The following PRAMEF4 variants were observed in gnomAD, a reference collection of about 807,000 sequenced individuals.
PRAMEF4 encodes the protein PRAME family member 4.
PRAMEF4 carries 18 observed loss-of-function variants against 34.4 expected under a neutral mutation model. The ratio of observed to expected loss-of-function variants is 0.52; its 90% CI spans 0.36 to 0.78. PRAMEF4 has a LOEUF of 0.78. Among genes scored for constraint, PRAMEF4 ranks in the 30% least tolerant of loss-of-function variants. The pLI, the probability that PRAMEF4 is intolerant of heterozygous loss-of-function variation, is 0.00. For missense variants in PRAMEF4, 482 were observed against 569.1 expected, an observed-to-expected ratio of 0.85 and a Z score of 1.56; for synonymous variants, 156 against 219.3, an observed-to-expected ratio of 0.71 and a Z score of 2.55.
intron 3 of PRAMEF4, among the ~76,000 whole-genome samples, chr1:12,880,665 A>T (rs1007883049): frequency 2.7e-5 from 4 of 148,810 alleles, no homozygotes; most frequent in Non-Finnish European, 4.4e-5. Flanking sequence ...CAGAATCCCT[A>T]AAGCTCCCTT....
Position 12,881,924 on chromosome 1 carries a change from G to C in PRAMEF4, c.805C>G (p.Leu269Val), listed in dbSNP as rs1640896403. The C allele has an allele frequency of 6.3e-7, 1 of 1,593,284 alleles. No individual in the cohort carries two copies. The highest frequency in any genetic ancestry group is 8.5e-7 in the Non-Finnish European group (1 of 1,177,674). The change falls in exon 3 of 4, where the codon CTG (leucine) becomes GTG (valine). Residue 269 changes from leucine to valine, a missense_variant. By Grantham distance (32) the Leu-to-Val change is conservative (BLOSUM62 1). Transcript: ENST00000235349. ...VTQFTTQFLK[L>V]RCLQKLYMNS... ...ATATAAAGCTTTTGGAGGCAGCGCAGCTTGAGGAACTGAGTGGTGAACTGG... is the reference window on the plus strand; with the variant it reads ...ATATAAAGCTTTTGGAGGCAGCGCACCTTGAGGAACTGAGTGGTGAACTGG...
At position 12,882,008 on chromosome 1, in the gene PRAMEF4, G is replaced by C. The variant is rs754672193; in HGVS notation, c.721C>G (p.Leu241Val). 2 of 1,591,180 alleles carry C rather than the reference G, an allele frequency of 1.3e-6. No individual in the cohort carries two copies. The highest frequency in any genetic ancestry group is 1.4e-5 in the African/African-American group (1 of 71,714). The change falls in exon 3 of 4, where the codon CTC (leucine) becomes GTC (valine). Residue 241 changes from leucine to valine, a missense_variant. Physicochemically the swap from Leu to Val is conservative, Grantham distance 32 (BLOSUM62 1). Transcript: ENST00000235349. ...GHMRNLQKLILSHMDVSRYVS... is the reference protein window; with the variant it reads ...GHMRNLQKLIVSHMDVSRYVS... ...TAGCGAGAGACATCCATGTGGGAGA[G>C]AATGAGTTTCTGAAGATTCCTCATG... is the stretch of plus-strand genomic sequence containing the variant.
intron 3 of PRAMEF4, among the ~76,000 whole-genome samples, chr1:12,880,573 A>AC (rs1190394550): frequency 8.1e-5 from 12 of 148,944 alleles, no homozygotes; most frequent in Non-Finnish European, 1.6e-4. Flanking sequence ...GAGACTCTGT[A>AC]TTAAAAAAAA....
rs1473459484 is a variant in PRAMEF4 at position 12,882,280 on chromosome 1, G to A, written c.449C>T (p.Thr150Ile). The A allele has an allele frequency of 6.6e-7, 1 of 1,514,636 alleles. No homozygotes were observed. Among genetic ancestry groups the A allele is most frequent in the East Asian group, 2.3e-5 (1 of 43,460 alleles). The allele number at this position is 1,514,636 out of a possible 1,614,324, so 93.8% of individuals were successfully genotyped here. Residue 150 changes from threonine to isoleucine, a missense_variant, in exon 3 of 4, where the codon ACT (threonine) becomes ATT (isoleucine). By Grantham distance (89) the Thr-to-Ile change is moderately conservative. Around this residue, in one of 6 missense-constraint regions of PRAMEF4, gnomAD observed 72 missense variants for 128.9 expected, o/e 0.56. Transcript: ENST00000235349. ...CPRMKGRQPL[T>I]VFVELWLKNR... ...CTTGAGCCAAAGTTCTACGAACACAGTCAAGGGCTGCCGTCCTTTCATCCT... is the reference window on the plus strand; with the variant it reads ...CTTGAGCCAAAGTTCTACGAACACAATCAAGGGCTGCCGTCCTTTCATCCT...
chr1:12,885,242 G>C (rs1460815508), intron 1 of PRAMEF4, among the ~76,000 whole-genome samples: 2 of 150,034 alleles, frequency 1.3e-5, no homozygotes, highest in Non-Finnish European at 3.0e-5. Flanking sequence ...CAATTCTCAT[G>C]CTTCAGCCTT....
chr1:12,879,697 G>T lies in PRAMEF4; in HGVS notation c.1284C>A (p.Leu428=), dbSNP rs1187557330. The change falls in exon 4 of 4, where the codon CTC becomes CTA. Residue 428 remains leucine (L), a synonymous_variant. Transcript: ENST00000235349. Reference sequence around the variant, plus strand: ...TAATTTGAGCAAATCTGCTCCAGCAGAGAGTACCATCAGCACCATAACTCT... The same window carrying T: ...TAATTTGAGCAAATCTGCTCCAGCATAGAGTACCATCAGCACCATAACTCT... ...PRESYGADGT[L]CWSRFAQIRA... is the part of the protein sequence containing the mutation. The T allele has an allele frequency of 1.2e-6, 2 of 1,601,954 alleles. No homozygotes were observed. Among genetic ancestry groups the T allele is most frequent in the South Asian group, 1.1e-5 (1 of 90,354 alleles).
In PRAMEF4 at chr1:12,884,405, G is replaced by C. The variant is rs11122032; in HGVS notation, c.-16-995C>G. On this transcript the variant is annotated intron_variant, in intron 1 of 3. Transcript: ENST00000235349. Reference sequence around the variant, plus strand: ...AGATAGATGTTTCCAATGCACACTTGTTACACATGTTCAAACTGAACCACT... The same window carrying C: ...AGATAGATGTTTCCAATGCACACTTCTTACACATGTTCAAACTGAACCACT... Among the ~76,000 whole-genome samples the C allele has an allele frequency of 1.3e-3, 190 of 149,538 alleles. 4 individuals are homozygous for C. The highest frequency in any genetic ancestry group is 0.011 in the Middle Eastern group (3 of 284).
chr1:12,883,715 C>T (rs2262188), intron 1 of PRAMEF4, among the ~76,000 whole-genome samples: 15,751 of 142,076 alleles, frequency 0.11, 1,431 homozygotes, highest in African/African-American at 0.13. Context: ...TTGGGGGAAA[C>T]TACTAATTAC....
intron 2 of PRAMEF4, among the ~76,000 whole-genome samples, chr1:12,882,651 T>A (rs1475704697): frequency 6.8e-6 from 1 of 147,586 alleles, no homozygotes; most frequent in African/African-American, 2.5e-5. Flanking sequence ...AGTGCAGTGG[T>A]GTGATGTCAC....
At chr1:12,883,705 T>C (rs1269549169) in intron 1 of PRAMEF4, among the ~76,000 whole-genome samples, 1 of 147,578 alleles carries the variant, frequency 6.8e-6, no homozygotes. Flanking sequence ...CCTCCTACCA[T>C]TGGGGGAAAC....
rs911278168 is a variant in PRAMEF4, at chr1:12,884,438, G to A, written c.-16-1028C>T. Among the ~76,000 whole-genome samples the A allele has an allele frequency of 4.7e-5, 7 of 149,454 alleles. 1 individual carries two copies. In the Admixed American group the frequency reaches 4.8e-4, roughly 10 times the overall value. On this transcript the variant is annotated intron_variant, in intron 1 of 3. Transcript: ENST00000235349. ...TGTTCAAACTGAACCACTTTGGCTG[G>A]GTGCAGTGACTCACACCTGTAATCT...
intron 3 of PRAMEF4, among the ~76,000 whole-genome samples, chr1:12,880,973 T>A (rs1338718007): frequency 1.4e-5 from 2 of 147,668 alleles, no homozygotes; most frequent in Non-Finnish European, 3.0e-5. Flanking sequence ...TTCACCAAAC[T>A]GTGGGGCACA....
intron 3 of PRAMEF4, 94 bp downstream of exon 3, chr1:12,881,760 A>T (rs1394505920): frequency 1.3e-6 from 2 of 1,558,752 alleles, no homozygotes; most frequent in African/African-American, 1.4e-5. Context: ...TCACTGTTTC[A>T]TCCTCATAGG....
Position 12,880,291 on chromosome 1 carries a change from T to G in PRAMEF4, c.876-186A>C, listed in dbSNP as rs538247453. Among the ~76,000 whole-genome samples, 169 of 151,250 alleles carry G rather than the reference T, an allele frequency of 1.1e-3. 2 individuals are homozygous for G. Among genetic ancestry groups the G allele is most frequent in the African/African-American group, 3.9e-3 (161 of 41,172 alleles). ...CTTTGCCACCGAGGTCAATTCCACT[T>G]TAGACCCGGCCCAGTAACTCACACC... On this transcript the variant is annotated intron_variant, in intron 3 of 3. Transcript: ENST00000235349.
chr1:12,885,030 A>T (rs1640973273), intron 1 of PRAMEF4, among the ~76,000 whole-genome samples: 1 of 150,552 alleles, frequency 6.6e-6, no homozygotes, highest in Non-Finnish European at 1.5e-5. Context: ...AATTTATCAA[A>T]ATATTTCAGA....
rs1177337462 is a variant in PRAMEF4, at chr1:12,882,576, C to A, written c.294-141G>T. 13 of 1,253,490 alleles carry A rather than the reference C, an allele frequency of 1.0e-5. 1 individual carries two copies. The African/African-American group carries it at 1.9e-4, about 18-fold the overall frequency. 77.6% of individuals were successfully genotyped at this position (1,253,490 alleles called of 1,614,324 possible). ...CTTCACTCTGTTTTCCCCTTGGATC[C>A]TGCCCACTTCCACATTGTTTTGTTT... On this transcript the variant is annotated intron_variant, in intron 2 of 3. Transcript: ENST00000235349.
In PRAMEF4 at chr1:12,879,709, A is replaced by G. The variant is rs146169522; in HGVS notation, c.1272T>C (p.Ala424=). The part of the protein sequence containing the change: ...LYPAPRESYG[A]DGTLCWSRFA... ...ATCTGCTCCAGCAGAGAGTACCATC[A>G]GCACCATAACTCTCCCGGGGGGCAG... The change falls in exon 4 of 4, where the codon GCT becomes GCC. Residue 424 remains alanine, a synonymous_variant. Coordinates refer to ENST00000235349, the MANE Select transcript of PRAMEF4 (RefSeq NM_001009611.4). 1 of 1,601,184 alleles carries G rather than the reference A, an allele frequency of 6.2e-7. No individual in the cohort carries two copies. The highest frequency in any genetic ancestry group is 8.5e-7 in the Non-Finnish European group (1 of 1,174,346).
At chr1:12,883,040 C>A in intron 2 of PRAMEF4, 62 bp downstream of exon 2, 4 of 1,583,854 alleles carry the variant, frequency 2.5e-6, no homozygotes, top group Non-Finnish European at 3.4e-6. Flanking sequence ...CTTCTCACGA[C>A]CCAGCTGTTC....
Position 12,883,191 on chromosome 1 carries a change from C to T in PRAMEF4, c.204G>A (p.Leu68=), listed in dbSNP as rs756138771. The T allele has an allele frequency of 6.9e-6, 11 of 1,600,502 alleles. 1 individual carries two copies. The African/African-American group carries it at 1.5e-4, about 22-fold the overall frequency. The change falls in exon 2 of 4, where the codon CTG becomes CTA. Residue 68 remains leucine, a synonymous_variant. Transcript: ENST00000235349. The part of the protein sequence containing the change: ...VQSWPFRRLP[L]RPLIKMPCLE... ...GACAAGGCATCTTTATCAGAGGCCT[C>T]AGAGGGAGGCGGCGGAAGGGCCAGG...
Sources: gnomAD v4.1 joint callset for allele counts (sites outside exome capture counted in the v4.1 genomes callset) on GRCh38, gnomAD v4.1.1 for gene constraint, gnomAD v4.1.1 regional missense constraint, MANE v1.5 for transcripts, NCBI Gene and HGNC (gene_info 2026-07-23, HGNC 2026-07-21) for gene names.